Variants in GALNT13 observed in about 807,000 individuals in gnomAD.
GALNT13 encodes UDP-GalNAc:polypeptide N-acetylgalactosaminyltransferase 13.
In GALNT13, 28 loss-of-function variants were observed where a neutral mutation model predicts 64.2. The ratio of observed to expected loss-of-function variants is 0.44; its 90% CI spans 0.32 to 0.60. GALNT13 has a LOEUF of 0.60. GALNT13 is among the 20% of genes least tolerant of loss of function. The pLI, the probability that GALNT13 is intolerant of heterozygous loss-of-function variation, is 0.05. For missense variants in GALNT13, 577 were observed against 669.8 expected (o/e 0.86, Z 1.53); for synonymous variants, 214 against 224.6 (o/e 0.95, Z 0.42).
At chr2:154,329,260 A>G (rs972415426) in intron 9 of GALNT13, among the ~76,000 whole-genome samples, 1 of 152,002 alleles carries the variant, frequency 6.6e-6, no homozygotes, top group Non-Finnish European at 1.5e-5. Flanking sequence ...TGCTTGCCAC[A>G]ATGCCAGGCT....
At chr2:153,119,901 A>G in the GALNT13 span, among the ~76,000 whole-genome samples, 1 of 152,110 alleles carries the variant, frequency 6.6e-6, no homozygotes, top group Non-Finnish European at 1.5e-5. Context: ...TCCCTACATC[A>G]TGTTTTCCTA....
At chr2:154,043,918 T>C (rs1227037063) in intron 3 of GALNT13, among the ~76,000 whole-genome samples, 1 of 151,722 alleles carries the variant, frequency 6.6e-6, no homozygotes, top group African/African-American at 2.4e-5. Context: ...AATTCAAAAA[T>C]TAGCTGGGTG....
chr2:153,257,044 C>A, the GALNT13 span, among the ~76,000 whole-genome samples: 1 of 152,230 alleles, frequency 6.6e-6, no homozygotes, highest in African/African-American at 2.4e-5. Context: ...GGCGCCCCTC[C>A]GCCAGCCTCG....
intron 3 of GALNT13, among the ~76,000 whole-genome samples, chr2:154,030,238 AG>A (rs1698253134): frequency 6.6e-6 from 1 of 152,186 alleles, no homozygotes; most frequent in African/African-American, 2.4e-5. Flanking sequence ...ATGTATAAAA[AG>A]GAACCCATAT....
intron 11 of GALNT13, among the ~76,000 whole-genome samples, chr2:154,428,359 C>T (rs370953356): frequency 6.6e-6 from 1 of 152,142 alleles, no homozygotes; most frequent in East Asian, 1.9e-4. Flanking sequence ...AAACTGTGAA[C>T]TTTTATAGTA....
At chr2:153,331,406 G>T in the GALNT13 span, among the ~76,000 whole-genome samples, 1 of 151,326 alleles carries the variant, frequency 6.6e-6, no homozygotes, top group African/African-American at 2.4e-5. Context: ...ATTAGTCAGG[G>T]TTCTCTAGAG....
At chr2:153,737,929 A>G in the GALNT13 span, among the ~76,000 whole-genome samples, 1 of 152,060 alleles carries the variant, frequency 6.6e-6, no homozygotes, top group African/African-American at 2.4e-5. Flanking sequence ...GGAATTATAT[A>G]TTTAACAAAT....
the GALNT13 span, among the ~76,000 whole-genome samples, chr2:153,216,978 T>C: frequency 6.6e-6 from 1 of 152,024 alleles, no homozygotes; most frequent in Admixed American, 6.6e-5. Flanking sequence ...TTTTTATATA[T>C]GGAGTGAAGT....
chr2:153,501,305 T>C, the GALNT13 span, among the ~76,000 whole-genome samples: 2 of 152,092 alleles, frequency 1.3e-5, no homozygotes, highest in East Asian at 1.9e-4. Context: ...TTTGTTGTTG[T>C]TGTTGTTTGC....
Position 154,051,467 on chromosome 2 carries a change from T to C in GALNT13, c.143-88870T>C, listed in dbSNP as rs375707710. ...CACCGCGCCCGGCTAATTTTTTGTA[T>C]TTTTAGTAGAGACGGGGTTTCACCT... is the stretch of plus-strand genomic sequence containing the variant. On this transcript the variant is annotated intron_variant, in intron 3 of 12. Transcript: ENST00000392825. 1.7e-4 allele frequency among the ~76,000 whole-genome samples: 25 copies of C among 151,438 alleles called. No individual in the cohort carries two copies. In the East Asian group the frequency reaches 4.9e-3, roughly 30 times the overall value.
intron 4 of GALNT13, among the ~76,000 whole-genome samples, chr2:154,215,125 G>A (rs558039221): frequency 1.4e-4 from 22 of 152,152 alleles, no homozygotes; most frequent in African/African-American, 3.4e-4. Context: ...ACAGGCACTT[G>A]ACAGCATTGT....
At chr2:154,208,478 A>G (rs946349277) in intron 4 of GALNT13, among the ~76,000 whole-genome samples, 6 of 152,094 alleles carry the variant, frequency 3.9e-5, no homozygotes, top group Admixed American at 3.3e-4. Context: ...ATTTTTTCCT[A>G]TGTAATTGTC....
chr2:153,222,307 T>TGGGGG, the GALNT13 span, among the ~76,000 whole-genome samples: 22 of 6,306 alleles, frequency 3.5e-3, no homozygotes, highest in Middle Eastern at 0.1. Context: ...TGAGTCTGGC[T>TGGGGG]GGGGGGGGGG....
the GALNT13 span, among the ~76,000 whole-genome samples, chr2:153,141,447 G>C: frequency 1.3e-5 from 2 of 152,040 alleles, no homozygotes; most frequent in African/African-American, 4.8e-5. Flanking sequence ...TTGGGGCAGG[G>C]TAGAGGAAGA....
chr2:154,445,085 A>G lies in GALNT13; in HGVS notation c.1531-5326A>G, dbSNP rs146278048. ...GTTTTCAAGCAAATGAAGACACTAA[A>G]TAATTTTGTGTGTTTTTAAATGAAA... is the stretch of plus-strand genomic sequence containing the variant. On this transcript the variant is annotated intron_variant, in intron 12 of 12. Transcript: ENST00000392825. 7.6e-3 allele frequency among the ~76,000 whole-genome samples: 1,155 copies of G among 152,160 alleles called. 19 individuals are homozygous for G. Among genetic ancestry groups the G allele is most frequent in the African/African-American group, 0.026 (1,075 of 41,550 alleles).
the GALNT13 span, among the ~76,000 whole-genome samples, chr2:153,488,711 A>G: frequency 6.6e-6 from 1 of 152,240 alleles, no homozygotes; most frequent in African/African-American, 2.4e-5. Flanking sequence ...AGACTCAGAC[A>G]ATTGAAAACT....
At chr2:154,359,630 T>C (rs1383372800) in intron 9 of GALNT13, among the ~76,000 whole-genome samples, 1 of 152,126 alleles carries the variant, frequency 6.6e-6, no homozygotes, top group South Asian at 2.1e-4. Flanking sequence ...TTGTGATCCA[T>C]AGGCCACTCG....
At chr2:153,993,036 A>G (rs1327384430) in intron 3 of GALNT13, among the ~76,000 whole-genome samples, 1 of 152,184 alleles carries the variant, frequency 6.6e-6, no homozygotes, top group East Asian at 1.9e-4. Flanking sequence ...CATTTATTTG[A>G]TTAGGAAAGG....
the GALNT13 span, among the ~76,000 whole-genome samples, chr2:153,282,340 C>A: frequency 6.6e-6 from 1 of 152,114 alleles, no homozygotes; most frequent in Admixed American, 6.5e-5. Flanking sequence ...TACTTCCTTG[C>A]AGTCCATGCT....
Sources: gnomAD v4.1 joint callset for allele counts (sites outside exome capture counted in the v4.1 genomes callset) on GRCh38, gnomAD v4.1.1 for gene constraint, MANE v1.5 for transcripts, NCBI Gene and HGNC (gene_info 2026-07-23, HGNC 2026-07-21) for gene names.